VPS26A: variants seen among roughly 807,000 people sequenced by gnomAD.
VPS26A encodes vacuolar protein sorting-associated protein 26A.
In VPS26A, 22 loss-of-function variants were observed where a neutral mutation model predicts 42.4. That is an observed-to-expected ratio of 0.52 (90% CI 0.37 to 0.74). VPS26A has a LOEUF of 0.74. Ranked by LOEUF, VPS26A falls within the 30% of genes least tolerant of loss-of-function variation. The probability of loss-of-function intolerance (pLI) is 0.00; values close to 1 mark genes in which losing one functional copy is unlikely to be tolerated. For synonymous variants in VPS26A, 110 were observed against 123.5 expected (o/e 0.89, Z 0.73); for missense variants, 276 against 379.2 (o/e 0.73, Z 2.26).
chr10:69,159,022 GTAT>G (rs1489155218), intron 5 of VPS26A, among the ~76,000 whole-genome samples: 1 of 152,216 alleles, frequency 6.6e-6, no homozygotes, highest in African/African-American at 2.4e-5. Context: ...ATGCCCACTG[GTAT>G]TATAACAGTT....
In VPS26A at chr10:69,139,916, G is replaced by A. The variant is rs567529399; in HGVS notation, c.153+6869G>A. Among the ~76,000 whole-genome samples, 7 of 151,816 alleles carry A rather than the reference G, an allele frequency of 4.6e-5. No individual in the cohort carries two copies. In the East Asian group the frequency reaches 7.7e-4, roughly 17 times the overall value. On this transcript the variant is annotated intron_variant, in intron 2 of 8. Coordinates refer to ENST00000263559, the MANE Select transcript of VPS26A (RefSeq NM_004896.5). ...TGTATTGTATCATTTTCTTAATATC[G>A]TATAGCCTGTTTTGAAATAAATTAC...
chr10:69,134,710 G>A (rs975503167), intron 2 of VPS26A, among the ~76,000 whole-genome samples: 1 of 151,198 alleles, frequency 6.6e-6, no homozygotes, highest in African/African-American at 2.4e-5. Context: ...TCCTTTGCCA[G>A]ATTACCTACT....
At chr10:69,139,752 T>C (rs1840998098) in intron 2 of VPS26A, among the ~76,000 whole-genome samples, 1 of 152,200 alleles carries the variant, frequency 6.6e-6, no homozygotes, top group Non-Finnish European at 1.5e-5. Flanking sequence ...CTTCTTGATA[T>C]CAGTATTTTT....
chr10:69,169,600 A>G (rs1396663180), intron 8 of VPS26A, among the ~76,000 whole-genome samples: 1 of 138,280 alleles, frequency 7.2e-6, no homozygotes, highest in Non-Finnish European at 1.6e-5. Context: ...CCCAGCCTCT[A>G]ATCCTTTTTT....
chr10:69,147,925 G>A (rs1425604074), intron 2 of VPS26A, among the ~76,000 whole-genome samples: 1 of 152,012 alleles, frequency 6.6e-6, no homozygotes, highest in African/African-American at 2.4e-5. Flanking sequence ...TTGTGCCCCA[G>A]CTGATCTCGA....
intron 2 of VPS26A, among the ~76,000 whole-genome samples, chr10:69,140,500 G>A (rs1841017705): frequency 6.6e-6 from 1 of 152,042 alleles, no homozygotes; most frequent in Non-Finnish European, 1.5e-5. Flanking sequence ...TGCCTCCTGA[G>A]CAGCTAGGAC....
chr10:69,138,159 A>T (rs948836323), intron 2 of VPS26A, among the ~76,000 whole-genome samples: 31 of 152,122 alleles, frequency 2.0e-4, no homozygotes, highest in Non-Finnish European at 3.5e-4. Flanking sequence ...AGTATAATGT[A>T]TTTGAGATTC....
chr10:69,138,931 A>C (rs1840981077), intron 2 of VPS26A, among the ~76,000 whole-genome samples: 1 of 152,252 alleles, frequency 6.6e-6, no homozygotes, highest in Non-Finnish European at 1.5e-5. Flanking sequence ...AGTTAGTTAA[A>C]AAAAATTTAG....
chr10:69,125,840 G>T (rs1200952985), intron 1 of VPS26A, among the ~76,000 whole-genome samples: 1 of 152,120 alleles, frequency 6.6e-6, no homozygotes, highest in Non-Finnish European at 1.5e-5. Context: ...ACTGGACTTA[G>T]TGAAATTCCT....
chr10:69,135,828 T>C (rs1840895549), intron 2 of VPS26A, among the ~76,000 whole-genome samples: 1 of 152,156 alleles, frequency 6.6e-6, no homozygotes, highest in Non-Finnish European at 1.5e-5. Context: ...TTATAAGGCA[T>C]ATTTTCTTAT....
At chr10:69,136,355 C>T (rs1840909738) in intron 2 of VPS26A, among the ~76,000 whole-genome samples, 1 of 151,414 alleles carries the variant, frequency 6.6e-6, no homozygotes, top group Non-Finnish European at 1.5e-5. Context: ...CTTCCCGCTT[C>T]CTGGGTCCAA....
intron 2 of VPS26A, among the ~76,000 whole-genome samples, chr10:69,144,302 T>A (rs531084850): frequency 1.8e-4 from 27 of 152,316 alleles, no homozygotes; most frequent in African/African-American, 6.5e-4. Context: ...GTTTACTCTG[T>A]TGTACATTTT....
At chr10:69,133,433 A>G (rs933031106) in intron 2 of VPS26A, 32 of 592,338 alleles carry the variant, frequency 5.4e-5, no homozygotes, top group Non-Finnish European at 1.2e-5. Context: ...TTAGAGATTG[A>G]GAGTAATTCT....
intron 2 of VPS26A, among the ~76,000 whole-genome samples, chr10:69,143,757 C>T (rs957546979): frequency 1.3e-5 from 2 of 152,108 alleles, no homozygotes; most frequent in African/African-American, 2.4e-5. Flanking sequence ...TGCTGTGTCA[C>T]CCAGGCTGGA....
chr10:69,156,231 C>T (rs1450606313), intron 3 of VPS26A, among the ~76,000 whole-genome samples: 1 of 151,554 alleles, frequency 6.6e-6, no homozygotes, highest in Non-Finnish European at 1.5e-5. Context: ...TCTAATTACC[C>T]ATGCCATTTG....
At chr10:69,152,710 C>G (rs1036681580) in intron 2 of VPS26A, among the ~76,000 whole-genome samples, 2 of 152,172 alleles carry the variant, frequency 1.3e-5, no homozygotes, top group South Asian at 4.1e-4. Context: ...TGGCTCATGC[C>G]TGTAATCCCA....
At chr10:69,140,533 A>AATT (rs575840447) in intron 2 of VPS26A, among the ~76,000 whole-genome samples, 36 of 151,468 alleles carry the variant, frequency 2.4e-4, no homozygotes, top group Middle Eastern at 3.5e-3. Flanking sequence ...TACCACGCCC[A>AATT]ATTATTATTA....
intron 2 of VPS26A, among the ~76,000 whole-genome samples, chr10:69,138,546 G>C (rs970200298): frequency 6.6e-6 from 1 of 152,134 alleles, no homozygotes; most frequent in Non-Finnish European, 1.5e-5. Flanking sequence ...TATCTTTCAA[G>C]GCCATAGTTG....
intron 6 of VPS26A, among the ~76,000 whole-genome samples, chr10:69,162,865 G>C (rs1841591006): frequency 6.6e-6 from 1 of 152,110 alleles, no homozygotes; most frequent in African/African-American, 2.4e-5. Context: ...CTCCTGTGCT[G>C]ATCAGTAGTG....
Sources: gnomAD v4.1 joint callset for allele counts (sites outside exome capture counted in the v4.1 genomes callset) on GRCh38, gnomAD v4.1.1 for gene constraint, MANE v1.5 for transcripts, NCBI Gene and HGNC (gene_info 2026-07-23, HGNC 2026-07-21) for gene names.